TNFAIP8: variants seen among roughly 807,000 people sequenced by gnomAD.
TNFAIP8 encodes tumor necrosis factor alpha-induced protein 8.
A neutral mutation model predicts 13.3 loss-of-function variants in TNFAIP8; 7 were observed. The observed-to-expected ratio is 0.52, with a 90% CI of 0.30 to 0.99. The LOEUF (loss-of-function observed/expected upper bound fraction) is 0.99. Ranked by LOEUF, TNFAIP8 falls within the 50% of genes least tolerant of loss-of-function variation. The pLI is 0.07. For missense variants in TNFAIP8, 258 were observed against 236.9 expected, an observed-to-expected ratio of 1.09 and a Z score of -0.58; for synonymous variants, 94 against 87.6, an observed-to-expected ratio of 1.07 and a Z score of -0.41.
chr5:119,333,738 G>A, intron 1 of TNFAIP8: 2 of 977,780 alleles, frequency 2.0e-6, no homozygotes, highest in Non-Finnish European at 3.1e-6. Context: ...AGGAAATAAT[G>A]TTTGGTCGTG....
intron 1 of TNFAIP8, among the ~76,000 whole-genome samples, chr5:119,308,826 G>T (rs1749643919): frequency 6.9e-6 from 1 of 144,500 alleles, no homozygotes; most frequent in African/African-American, 2.6e-5. Context: ...CTGCACTCCA[G>T]CCTGGGTTGC....
At chr5:119,363,794 T>C (rs1751724150) in intron 1 of TNFAIP8, among the ~76,000 whole-genome samples, 1 of 152,148 alleles carries the variant, frequency 6.6e-6, no homozygotes, top group Non-Finnish European at 1.5e-5. Flanking sequence ...AAGGGCTCAG[T>C]CCCACAAGAC....
intron 1 of TNFAIP8, among the ~76,000 whole-genome samples, chr5:119,315,325 C>A (rs1022305579): frequency 1.3e-5 from 2 of 152,188 alleles, no homozygotes; most frequent in African/African-American, 4.8e-5. Flanking sequence ...CTCAAATGAT[C>A]CACCTATCTT....
chr5:119,336,858 C>T (rs997538243), intron 1 of TNFAIP8, among the ~76,000 whole-genome samples: 3 of 152,180 alleles, frequency 2.0e-5, no homozygotes, highest in Non-Finnish European at 4.4e-5. Context: ...AATGTGAACT[C>T]GCCACCAAGT....
At chr5:119,306,157 T>G (rs952811947) in intron 1 of TNFAIP8, among the ~76,000 whole-genome samples, 2 of 152,190 alleles carry the variant, frequency 1.3e-5, no homozygotes, top group African/African-American at 4.8e-5. Context: ...AAGCTATACC[T>G]TTTGGCAAAA....
rs1262993226 is a variant in TNFAIP8, at chr5:119,393,405, G to A, written c.*24G>A. 1.3e-6 allele frequency: 2 copies of A among 1,579,454 alleles called. No individual in the cohort carries two copies. Among genetic ancestry groups the A allele is most frequent in the East Asian group, 4.5e-5 (2 of 44,450 alleles). Reference sequence around the variant, plus strand: ...GAGCACATGAGTTAAGATTGTGACTGATCATGATTTATTTGAAGATGGAGC... The same window carrying A: ...GAGCACATGAGTTAAGATTGTGACTAATCATGATTTATTTGAAGATGGAGC... On this transcript the variant is annotated 3_prime_UTR_variant, in exon 2 of 2. Transcript: ENST00000504771.
chr5:119,381,576 GA>G (rs1752486181), intron 1 of TNFAIP8, among the ~76,000 whole-genome samples: 1 of 151,978 alleles, frequency 6.6e-6, no homozygotes, highest in Non-Finnish European at 1.5e-5. Flanking sequence ...ACGGAGTACA[GA>G]GACTATATAC....
chr5:119,268,983 T>C (rs1748177627), intron 1 of TNFAIP8: 1 of 637,676 alleles, frequency 1.6e-6, no homozygotes, highest in Non-Finnish European at 2.8e-6. Context: ...CGGGCTGCTC[T>C]CGGGGAGCGC....
intron 1 of TNFAIP8, among the ~76,000 whole-genome samples, chr5:119,278,036 C>G (rs1423886328): frequency 6.6e-6 from 1 of 152,116 alleles, no homozygotes; most frequent in Non-Finnish European, 1.5e-5. Flanking sequence ...GGAGATACAC[C>G]TTCAGACCAT....
At chr5:119,348,384 G>C (rs1005332726) in intron 1 of TNFAIP8, among the ~76,000 whole-genome samples, 3 of 152,222 alleles carry the variant, frequency 2.0e-5, no homozygotes, top group South Asian at 2.1e-4. Flanking sequence ...GCAGTGGTTA[G>C]AGTGGAAATA....
chr5:119,393,822 C>A lies in TNFAIP8; in HGVS notation c.*441C>A. The A allele has an allele frequency of 6.3e-6, 1 of 158,580 alleles. No individual in the cohort carries two copies. Among genetic ancestry groups the A allele is most frequent in the Non-Finnish European group, 1.4e-5 (1 of 71,486 alleles). 9.8% of individuals were successfully genotyped at this position (158,580 alleles called of 1,614,324 possible). A position where few individuals can be genotyped will look rare whatever the true frequency, so the allele number is the denominator to read the frequency against. On this transcript the variant is annotated 3_prime_UTR_variant, in exon 2 of 2. Coordinates refer to ENST00000504771, the MANE Select transcript of TNFAIP8 (RefSeq NM_014350.4). ...CAAGAACTTTCTCTTGCTATCATTG[C>A]TCCTTTTGAAACAATTCAATTTTCA...
intron 1 of TNFAIP8, 52 bp from the exon 2 acceptor site, chr5:119,392,764 T>C: frequency 1.4e-6 from 2 of 1,473,740 alleles, no homozygotes. Context: ...TTCGCTTCAC[T>C]TGCTGATATT....
At chr5:119,276,225 C>T (rs1354598230) in intron 1 of TNFAIP8, among the ~76,000 whole-genome samples, 1 of 151,912 alleles carries the variant, frequency 6.6e-6, no homozygotes, top group Non-Finnish European at 1.5e-5. Flanking sequence ...TCAAGCGAAG[C>T]TCCTACCTCA....
chr5:119,316,591 TA>T (rs1490714790), intron 1 of TNFAIP8, among the ~76,000 whole-genome samples: 1 of 152,198 alleles, frequency 6.6e-6, no homozygotes, highest in African/African-American at 2.4e-5. Context: ...ATGGTATTGA[TA>T]AACTCTAAGG....
intron 1 of TNFAIP8, among the ~76,000 whole-genome samples, chr5:119,315,772 T>C (rs1749875277): frequency 6.6e-6 from 1 of 152,198 alleles, no homozygotes; most frequent in African/African-American, 2.4e-5. Flanking sequence ...TAGTGTCGTC[T>C]ATCTGAAGAT....
intron 1 of TNFAIP8, among the ~76,000 whole-genome samples, chr5:119,282,225 A>T (rs1283626934): frequency 1.3e-5 from 2 of 152,100 alleles, no homozygotes. Context: ...TAAGCCACTT[A>T]CTCTCAGTAG....
intron 1 of TNFAIP8, among the ~76,000 whole-genome samples, chr5:119,322,085 A>T (rs899731667): frequency 6.6e-6 from 1 of 151,546 alleles, no homozygotes; most frequent in Admixed American, 6.6e-5. Flanking sequence ...TCTCTCTCTA[A>T]TTTTTCTCAG....
chr5:119,379,964 T>C (rs1752425672), intron 1 of TNFAIP8, among the ~76,000 whole-genome samples: 1 of 152,236 alleles, frequency 6.6e-6, no homozygotes, highest in Non-Finnish European at 1.5e-5. Flanking sequence ...AGTGGGATTC[T>C]GCAGCTGGCA....
rs192242694 is a variant in TNFAIP8 at position 119,294,353 on chromosome 5, A to G, written c.1+25446A>G. On this transcript the variant is annotated intron_variant, in intron 1 of 1. Transcript: ENST00000274456. Reference sequence around the variant, plus strand: ...AGAATGATGATTTCCAATTTCATCCATGTCCCTACAAAGAACATGAACTCA... The same window carrying G: ...AGAATGATGATTTCCAATTTCATCCGTGTCCCTACAAAGAACATGAACTCA... Among the ~76,000 whole-genome samples, 130 of 152,266 alleles carry G rather than the reference A, an allele frequency of 8.5e-4. 1 individual carries two copies. The highest frequency in any genetic ancestry group is 6.8e-3 in the Middle Eastern group (2 of 294).
Sources: gnomAD v4.1 joint callset for allele counts (sites outside exome capture counted in the v4.1 genomes callset) on GRCh38, gnomAD v4.1.1 for gene constraint, MANE v1.5 for transcripts, NCBI Gene and HGNC (gene_info 2026-07-23, HGNC 2026-07-21) for gene names.